The following TH variants were observed in gnomAD, a reference collection of about 807,000 sequenced individuals.
The protein encoded by TH is tyrosine 3-monooxygenase.
Under a neutral mutation model 57.4 loss-of-function variants are expected in TH, and 49 were observed. The ratio of observed to expected loss-of-function variants is 0.85; its 90% CI spans 0.68 to 1.08. The LOEUF (loss-of-function observed/expected upper bound fraction) is 1.08, where lower values mean the gene tolerates loss of function less well. Among genes scored for constraint, TH ranks in the 50% least tolerant of loss-of-function variants. The probability of loss-of-function intolerance (pLI) is 0.00; values close to 1 mark genes in which losing one functional copy is unlikely to be tolerated. For missense variants in TH, 720 were observed against 696.7 expected (o/e 1.03, Z -0.38); for synonymous variants, 330 against 304.5 (o/e 1.08, Z -0.87).
At position 2,167,943 on chromosome 11, in the gene TH, G is replaced by C; in HGVS notation, c.577-10C>G. ...CCTGGTCCGAGAAGCCCTGAGGGCA[G>C]AGGGGATGCACGGGTCAGGAGGCTG... On this transcript the variant is annotated splice_polypyrimidine_tract_variant and intron_variant, in intron 4 of 12. Transcript: ENST00000352909. The C allele has an allele frequency of 6.2e-7, 1 of 1,611,706 alleles. No individual in the cohort carries two copies. Among genetic ancestry groups the C allele is most frequent in the South Asian group, 1.1e-5 (1 of 90,824 alleles).
Position 2,166,623 on chromosome 11 carries a change from G to A in TH, c.977+10C>T, listed in dbSNP as rs370829131. ...CCACCCTCGGGCTGGCGGCCAGGGCGCGCACTCACGGCTCAGGGGAGTGCA... is the reference window on the plus strand; with the variant it reads ...CCACCCTCGGGCTGGCGGCCAGGGCACGCACTCACGGCTCAGGGGAGTGCA... On this transcript the variant is annotated intron_variant, in intron 8 of 12. Coordinates refer to ENST00000352909, the MANE Select transcript of TH (RefSeq NM_000360.4). 11 of 1,581,002 alleles carry A rather than the reference G, an allele frequency of 7.0e-6. No homozygotes were observed. Among genetic ancestry groups the A allele is most frequent in the African/African-American group, 5.4e-5 (4 of 74,532 alleles).
rs1243080287 is a variant in TH at position 2,165,697 on chromosome 11, C to G, written c.1171G>C (p.Gly391Arg). Residue 391 changes from glycine to arginine, a missense_variant, in exon 11 of 13, where the codon GGG (glycine) becomes CGG (arginine). By Grantham distance (125) the Gly-to-Arg change is moderately radical. Transcript: ENST00000352909. ...QNGEVKAYGA[G>R]LLSSYGELLH... ...AGCTCCCCGTAGGAGGACAGCAGCC[C>G]GGCACCATAGGCCTTCACCTCCCCG... The G allele has an allele frequency of 6.2e-7, 1 of 1,612,612 alleles. No individual in the cohort carries two copies. The highest frequency in any genetic ancestry group is 2.2e-5 in the East Asian group (1 of 44,864).
intron 11 of TH, 86 bp from the exon 12 acceptor site, chr11:2,165,451 T>C (rs983400672): frequency 1.9e-6 from 3 of 1,586,482 alleles, no homozygotes; most frequent in African/African-American, 1.3e-5. Flanking sequence ...GCTGGGTGGG[T>C]TCCTTGGGTA....
chr11:2,165,133 C>T, intron 12 of TH, 99 bp downstream of exon 12: 2 of 1,586,894 alleles, frequency 1.3e-6, no homozygotes, highest in Non-Finnish European at 1.7e-6. Context: ...CATCTGTGAC[C>T]TGGGCTCACA....
At chr11:2,167,174 A>G in intron 6 of TH, 142 bp from the exon 7 acceptor site, 1 of 1,279,846 alleles carries the variant, frequency 7.8e-7, no homozygotes, top group Non-Finnish European at 1.1e-6. Flanking sequence ...GGCCCCCGGG[A>G]GGGGCTTTTG....
At chr11:2,167,196 A>C (rs972271766) in intron 6 of TH, 164 bp from the exon 7 acceptor site, 59 of 1,128,354 alleles carry the variant, frequency 5.2e-5, no homozygotes, top group Middle Eastern at 3.0e-4. Context: ...TGGTGGCTTT[A>C]GGGAATCCCA....
intron 10 of TH, 44 bp downstream of exon 10, chr11:2,165,958 C>G: frequency 6.5e-7 from 1 of 1,548,526 alleles, no homozygotes; most frequent in Non-Finnish European, 8.7e-7. Flanking sequence ...GGATTCAGAC[C>G]CCCAAACCCA....
At chr11:2,164,858 C>A (rs530841096) in intron 12 of TH, among the ~76,000 whole-genome samples, 98 of 152,252 alleles carry the variant, frequency 6.4e-4, no homozygotes, top group African/African-American at 2.3e-3. Flanking sequence ...GCCCCCAGCC[C>A]TGGGGACCCC....
Position 2,170,095 on chromosome 11 carries a change from T to C in TH, c.91-224A>G, listed in dbSNP as rs1169285084. On this transcript the variant is annotated intron_variant, in intron 1 of 12. Transcript: ENST00000352909. The surrounding 1 kb of genome is among the most constrained non-coding windows in gnomAD (Gnocchi z 6.0). The stretch of plus-strand genomic sequence containing the variant: ...GGGGCAGCCCAGTCAGAAGCAGTGG[T>C]GGTGGGGGAGGAGTGGGGGCTGGGA... 6.6e-6 allele frequency among the ~76,000 whole-genome samples: 1 copy of C among 151,966 alleles called. No homozygotes were observed. The highest frequency in any genetic ancestry group is 1.9e-4 in the East Asian group (1 of 5,162).
chr11:2,167,594 C>A, intron 5 of TH, 109 bp from the exon 6 acceptor site: 1 of 1,359,652 alleles, frequency 7.4e-7, no homozygotes, highest in Non-Finnish European at 1.0e-6. Context: ...TGCAGCGAGG[C>A]CTTTGGGTTG....
Position 2,169,893 on chromosome 11 carries a change from A to G in TH, c.91-22T>C, listed in dbSNP as rs200925067. ...GGGACTGTGGGGACAAGGGGCACCC[A>G]TGCCTCCTCCACCTGCTGAGACCCG... On this transcript the variant is annotated intron_variant, in intron 1 of 12. Transcript: ENST00000352909. 2.6e-5 allele frequency: 41 copies of G among 1,601,780 alleles called. No individual in the cohort carries two copies. The East Asian group carries it at 9.3e-4, about 36-fold the overall frequency.
In TH at chr11:2,170,584, C is replaced by T. The variant is rs1261156577; in HGVS notation, c.91-713G>A. On this transcript the variant is annotated intron_variant, in intron 1 of 12. Transcript: ENST00000352909. This position sits in a 1 kb window ranked among gnomAD's most constrained non-coding sequence, Gnocchi z 6.0. ...CCTTGGAGCTGAACTCCCAAGAAGG[C>T]TCTGGGCCCCTTGTAAGAGAAGAAT... 8.7e-6 allele frequency: 9 copies of T among 1,029,826 alleles called. No homozygotes were observed. The highest frequency in any genetic ancestry group is 1.3e-5 in the Non-Finnish European group (9 of 675,640). The allele number at this position is 1,029,826 out of a possible 1,614,324, so 63.8% of individuals were successfully genotyped here. A position where few individuals can be genotyped will look rare whatever the true frequency, so the allele number is the denominator to read the frequency against.
intron 2 of TH, among the ~76,000 whole-genome samples, chr11:2,169,057 T>C (rs1846183183): frequency 6.6e-6 from 1 of 152,176 alleles, no homozygotes; most frequent in African/African-American, 2.4e-5. Flanking sequence ...CACTGGCCCC[T>C]GAGCGTCCAG....
Position 2,165,247 on chromosome 11 carries a change from G to A in TH, c.1319C>T (p.Ala440Val). 6 of 1,612,892 alleles carry A rather than the reference G, an allele frequency of 3.7e-6. No individual in the cohort carries two copies. The highest frequency in any genetic ancestry group is 1.7e-5 in the Admixed American group (1 of 60,030). The change falls in exon 12 of 13, where the codon GCC (alanine) becomes GTC (valine). Residue 440 changes from alanine to valine, a missense_variant. Physicochemically the swap from Ala to Val is moderately conservative, Grantham distance 64 (BLOSUM62 0). Coordinates refer to ENST00000352909, the MANE Select transcript of TH (RefSeq NM_000360.4). ...CCTAGCCCACCTGAGCTTGTCCTTG[G>A]CGTCACTGAAGCTCTCAGACACGAA... ...VYFVSESFSD[A>V]KDKLRSYASR...
Position 2,170,315 on chromosome 11 carries a change from C to T in TH, c.91-444G>A, listed in dbSNP as rs1004063635. 1.3e-5 allele frequency among the ~76,000 whole-genome samples: 2 copies of T among 152,126 alleles called. No individual in the cohort carries two copies. The highest frequency in any genetic ancestry group is 2.9e-5 in the Non-Finnish European group (2 of 67,996). ...CACAGGGCCCCAGTGAACAACCCCCCTACCCTCCTGGCTGCCGCACAGGGG... is the reference window on the plus strand; with the variant it reads ...CACAGGGCCCCAGTGAACAACCCCCTTACCCTCCTGGCTGCCGCACAGGGG... On this transcript the variant is annotated intron_variant, in intron 1 of 12. Transcript: ENST00000352909. The surrounding 1 kb of genome is among the most constrained non-coding windows in gnomAD (Gnocchi z 6.0).
chr11:2,167,189 TG>T, intron 6 of TH, 157 bp from the exon 7 acceptor site: 1 of 1,205,886 alleles, frequency 8.3e-7, no homozygotes, highest in Non-Finnish European at 1.1e-6. Context: ...CTTTTGCTGG[TG>T]GCTTTAGGGA....
chr11:2,165,826 C>T, intron 10 of TH, 63 bp from the exon 11 acceptor site: 1 of 1,569,766 alleles, frequency 6.4e-7, no homozygotes, highest in Admixed American at 1.8e-5. Context: ...AGCCCCTGGT[C>T]ACCCGTGACC....
At position 2,168,499 on chromosome 11, in the gene TH, C is replaced by T. The variant is rs777823354; in HGVS notation, c.479G>A (p.Gly160Glu). The T allele has an allele frequency of 6.2e-7, 1 of 1,612,310 alleles. No individual in the cohort carries two copies. The highest frequency in any genetic ancestry group is 1.1e-5 in the South Asian group (1 of 91,070). Residue 160 changes from glycine to glutamate, a missense_variant, in exon 3 of 13, where the codon GGG (glycine) becomes GAG (glutamate). By Grantham distance (98) the Gly-to-Glu change is moderately conservative (BLOSUM62 -2). Coordinates refer to ENST00000352909, the MANE Select transcript of TH (RefSeq NM_000360.4). Reference sequence around the variant, plus strand: ...ACAGAAAACCGCCTCACCCTTGGGCCCCGCGGGGCTGCGCACGTCCTCTGA... The same window carrying T: ...ACAGAAAACCGCCTCACCCTTGGGCTCCGCGGGGCTGCGCACGTCCTCTGA... ...QVSEDVRSPA[G>E]PKVPWFPRKV...
rs2133696352 is a variant in TH, at chr11:2,168,108, G to A, written c.559C>T (p.Leu187=). 6.2e-7 allele frequency: 1 copy of A among 1,613,548 alleles called. No homozygotes were observed. Among genetic ancestry groups the A allele is most frequent in the South Asian group, 1.1e-5 (1 of 91,088 alleles). The change falls in exon 4 of 13, where the codon CTG becomes TTG. Residue 187 remains leucine (L), a synonymous_variant. Coordinates refer to ENST00000352909, the MANE Select transcript of TH (RefSeq NM_000360.4). ...CCACTCACCGGGTGGTCCAAGTCCA[G>A]GTCAGGGTCGAACTTGGTGACCAGG... ...HHLVTKFDPD[L]DLDHPGFSDQ... is the part of the protein sequence containing the mutation.
Sources: gnomAD v4.1 joint callset for allele counts (sites outside exome capture counted in the v4.1 genomes callset) on GRCh38, gnomAD v4.1.1 for gene constraint, Gnocchi (gnomAD v3.1) non-coding constraint, MANE v1.5 for transcripts, NCBI Gene and HGNC (gene_info 2026-07-23, HGNC 2026-07-21) for gene names.